The following ITGB1 variants were observed in gnomAD, a reference collection of about 807,000 sequenced individuals.
ITGB1 encodes the protein integrin beta-1.
Under a neutral mutation model 86.5 loss-of-function variants are expected in ITGB1, and 24 were observed. The ratio of observed to expected loss-of-function variants is 0.28; its 90% CI spans 0.20 to 0.39. ITGB1 has a LOEUF of 0.39. Among genes scored for constraint, ITGB1 ranks in the 10% least tolerant of loss-of-function variants. The probability of loss-of-function intolerance (pLI) is 1.00; values close to 1 mark genes in which losing one functional copy is unlikely to be tolerated. For synonymous variants in ITGB1, 323 were observed against 316.8 expected (o/e 1.02, Z -0.21); for missense variants, 556 against 946.9 (o/e 0.59, Z 5.42).
chr10:32,934,686 T>C (rs1229874050), intron 2 of ITGB1, among the ~76,000 whole-genome samples: 1 of 152,228 alleles, frequency 6.6e-6, no homozygotes, highest in Non-Finnish European at 1.5e-5. Flanking sequence ...TTACTAACCA[T>C]TTCTTTTATA....
intron 9 of ITGB1, among the ~76,000 whole-genome samples, chr10:32,921,770 ATAT>A (rs2094950700): frequency 6.6e-6 from 1 of 152,134 alleles, no homozygotes; most frequent in African/African-American, 2.4e-5. Flanking sequence ...TTACATTTTT[ATAT>A]ATTTTATGGT....
rs200429978 is a variant in ITGB1, at chr10:32,921,017, C to CA, written c.1129-633dup. Among the ~76,000 whole-genome samples the CA allele has an allele frequency of 8.3e-3, 1,180 of 142,170 alleles. 6 individuals are homozygous for CA. The highest frequency in any genetic ancestry group is 0.022 in the Middle Eastern group (6 of 270). The allele number at this position is 142,170 out of a possible 152,430, so 93.3% of individuals were successfully genotyped here. A position where few individuals can be genotyped will look rare whatever the true frequency, so the allele number is the denominator to read the frequency against. On this transcript the variant is annotated intron_variant, in intron 9 of 15. Transcript: ENST00000302278. ...AACAAAAACAAAAACAGAAACCCCC[C>CA]AAAAAAAAACGAAATAAATGCTGTC...
At chr10:32,907,010 TA>T in intron 15 of ITGB1, 1 of 870,802 alleles carries the variant, frequency 1.1e-6, no homozygotes, top group Non-Finnish European at 1.7e-6. Flanking sequence ...CACAGTGCAG[TA>T]AAAAAGATAG....
In ITGB1 at chr10:32,923,569, G is replaced by A. The variant is rs2137207891; in HGVS notation, c.942+16C>T. 2.5e-6 allele frequency: 4 copies of A among 1,599,814 alleles called. No homozygotes were observed. On this transcript the variant is annotated intron_variant, in intron 7 of 15. Coordinates refer to ENST00000302278, the MANE Select transcript of ITGB1 (RefSeq NM_002211.4). ...CAACATAAACACATTCACTATGTAA[G>A]GAACCAGGCACTTACATAATAATGG...
intron 11 of ITGB1, among the ~76,000 whole-genome samples, chr10:32,918,295 G>T (rs1403389031): frequency 6.6e-6 from 1 of 151,832 alleles, no homozygotes; most frequent in African/African-American, 2.4e-5. Flanking sequence ...TATACATATG[G>T]AACAAACCTG....
intron 13 of ITGB1, 42 bp downstream of exon 13, chr10:32,911,393 CTTAGGAGAGCCAA>C: frequency 6.9e-7 from 1 of 1,457,186 alleles, no homozygotes; most frequent in Non-Finnish European, 9.6e-7. Flanking sequence ...ACAATACAGG[CTTAGGAGAGCCAA>C]GAGGAAGTAT....
chr10:32,935,644 T>G, intron 1 of ITGB1, 86 bp from the exon 2 acceptor site: 1 of 917,154 alleles, frequency 1.1e-6, no homozygotes, highest in South Asian at 1.5e-5. Context: ...CACCGTACCT[T>G]CTATTGCTTT....
intron 15 of ITGB1, among the ~76,000 whole-genome samples, chr10:32,904,296 G>A (rs957452792): frequency 4.6e-5 from 7 of 151,990 alleles, no homozygotes; most frequent in Non-Finnish European, 8.8e-5. Flanking sequence ...AAAAAAACCC[G>A]CAGCAAGAGA....
At position 32,900,439 on chromosome 10, in the gene ITGB1, A is replaced by G. The variant is rs201356078; in HGVS notation, c.*1131T>C. The stretch of plus-strand genomic sequence containing the variant: ...TATTTAATAAATAACTTCAGTAAAT[A>G]GCACTGTAAAAAGTGAACTGTTAAA... On this transcript the variant is annotated 3_prime_UTR_variant, in exon 16 of 16. Coordinates refer to ENST00000302278, the MANE Select transcript of ITGB1 (RefSeq NM_002211.4). 6.6e-6 allele frequency: 1 copy of G among 152,316 alleles called. No homozygotes were observed. Among genetic ancestry groups the G allele is most frequent in the African/African-American group, 2.4e-5 (1 of 41,342 alleles). 9.4% of individuals were successfully genotyped at this position (152,316 alleles called of 1,614,324 possible).
In ITGB1 at chr10:32,920,496, C is replaced by T. The variant is rs2094945988; in HGVS notation, c.1129-111G>A. 5.6e-6 allele frequency: 5 copies of T among 896,238 alleles called. No individual in the cohort carries two copies. The Admixed American group carries it at 1.0e-4, about 19-fold the overall frequency. The allele number at this position is 896,238 out of a possible 1,614,324, so 55.5% of individuals were successfully genotyped here. A position where few individuals can be genotyped will look rare whatever the true frequency, so the allele number is the denominator to read the frequency against. On this transcript the variant is annotated intron_variant, in intron 9 of 15. Transcript: ENST00000302278. Reference sequence around the variant, plus strand: ...AAAATATATTTCAATAAAGTATCTACAAGCCAAATCCAATTGAGTAACTAG... The same window carrying T: ...AAAATATATTTCAATAAAGTATCTATAAGCCAAATCCAATTGAGTAACTAG...
At chr10:32,939,379 T>G (rs1230015802) in intron 1 of ITGB1, among the ~76,000 whole-genome samples, 1 of 152,206 alleles carries the variant, frequency 6.6e-6, no homozygotes, top group Non-Finnish European at 1.5e-5. Context: ...TACCTTCATG[T>G]GTCATTTAAC....
intron 1 of ITGB1, chr10:32,944,920 A>G: frequency 7.5e-7 from 1 of 1,334,168 alleles, no homozygotes; most frequent in Non-Finnish European, 1.1e-6. Flanking sequence ...ATGAAGCCCA[A>G]ACAAAGCCAG....
chr10:32,927,758 C>A (rs561605616), intron 5 of ITGB1, among the ~76,000 whole-genome samples: 3 of 152,326 alleles, frequency 2.0e-5, no homozygotes, highest in East Asian at 3.9e-4. Context: ...CACACCACTG[C>A]ACTCCAGTCT....
intron 5 of ITGB1, among the ~76,000 whole-genome samples, chr10:32,926,377 G>A (rs950411927): frequency 2.0e-5 from 3 of 152,100 alleles, no homozygotes; most frequent in African/African-American, 4.8e-5. Flanking sequence ...ATCTGTCCCC[G>A]CCCAAGTCTC....
Position 32,938,001 on chromosome 10 carries a change from C to T in ITGB1, c.1-2443G>A, listed in dbSNP as rs116108499. The stretch of plus-strand genomic sequence containing the variant: ...CCCGAGAGAAAAGAGTTAAGCGTAA[C>T]GTGAAAAGTCATTCACTTCTGCAAT... On this transcript the variant is annotated intron_variant, in intron 1 of 15. Coordinates refer to ENST00000302278, the MANE Select transcript of ITGB1 (RefSeq NM_002211.4). Among the ~76,000 whole-genome samples, 664 of 152,282 alleles carry T rather than the reference C, an allele frequency of 4.4e-3. 4 individuals carry two copies. The highest frequency in any genetic ancestry group is 0.016 in the African/African-American group (645 of 41,562).
rs1451093047 is a variant in ITGB1 at position 32,911,450 on chromosome 10, A to G, written c.1929T>C (p.His643=). 6.2e-7 allele frequency: 1 copy of G among 1,613,618 alleles called. No homozygotes were observed. The highest frequency in any genetic ancestry group is 8.5e-7 in the Non-Finnish European group (1 of 1,179,628). The change falls in exon 13 of 16, where the codon CAT becomes CAC. Residue 643 remains histidine, a splice_region_variant and synonymous_variant. Coordinates refer to ENST00000302278, the MANE Select transcript of ITGB1 (RefSeq NM_002211.4). ...CQTCLGVCAE[H]KECVQCRAFN... Reference sequence around the variant, plus strand: ...TCAAGCAATTAGGAAATACTTACTTATGCTCAGCACAGACACCAAGGCAGG... The same window carrying G: ...TCAAGCAATTAGGAAATACTTACTTGTGCTCAGCACAGACACCAAGGCAGG...
chr10:32,944,945 C>A, intron 1 of ITGB1: 1 of 1,221,568 alleles, frequency 8.2e-7, no homozygotes, highest in Non-Finnish European at 1.2e-6. Context: ...GGAATATTAC[C>A]AAGCTTTTCT....
intron 15 of ITGB1, chr10:32,906,676 G>A (rs534096776): frequency 9.1e-6 from 2 of 220,322 alleles, no homozygotes; most frequent in African/African-American, 2.4e-5. Context: ...GATTAGAGCT[G>A]ACAGGCTGAT....
chr10:32,916,353 C>T lies in ITGB1; in HGVS notation c.1469+3532G>A, dbSNP rs1033238213. ...AAGAAATAACACATAACAATATTCC[C>T]ACAAAGGGAAGCCCATCAGTTAATT... On this transcript the variant is annotated intron_variant, in intron 11 of 15. Transcript: ENST00000302278. 1.7e-4 allele frequency among the ~76,000 whole-genome samples: 26 copies of T among 152,236 alleles called. No individual in the cohort carries two copies. In the Middle Eastern group the frequency reaches 0.01, roughly 60 times the overall value.
Sources: allele counts gnomAD v4.1 joint callset (sites outside exome capture counted in the v4.1 genomes callset), GRCh38; gene constraint gnomAD v4.1.1; transcripts MANE v1.5; gene names NCBI Gene and HGNC (gene_info 2026-07-23, HGNC 2026-07-21).